THSD7A: variants seen among roughly 807,000 people sequenced by gnomAD.
THSD7A encodes the protein thrombospondin type 1 domain containing 7A.
In THSD7A, 96 loss-of-function variants were observed where a neutral mutation model predicts 231.3. The observed-to-expected ratio is 0.41, with a 90% CI of 0.35 to 0.49. The LOEUF (loss-of-function observed/expected upper bound fraction) is 0.49. THSD7A is among the 20% of genes least tolerant of loss of function. The pLI, the probability that THSD7A is intolerant of heterozygous loss-of-function variation, is 0.05. For missense variants in THSD7A, 2,290 were observed against 2,070.2 expected (o/e 1.11, Z -2.06); for synonymous variants, 940 against 743.3 (o/e 1.26, Z -4.30).
chr7:11,526,008 A>G (rs976262183), intron 6 of THSD7A, among the ~76,000 whole-genome samples: 1 of 152,214 alleles, frequency 6.6e-6, no homozygotes, highest in Non-Finnish European at 1.5e-5. Context: ...TTTAGTCTAA[A>G]GAAAGAGAGC....
At chr7:11,783,187 A>T (rs1159524761) in intron 1 of THSD7A, among the ~76,000 whole-genome samples, 1 of 152,148 alleles carries the variant, frequency 6.6e-6, no homozygotes, top group East Asian at 1.9e-4. Context: ...ATCTTAAGTT[A>T]CAAATATCAC....
At chr7:11,520,048 T>C (rs1418268172) in intron 6 of THSD7A, 1 of 152,172 alleles carries the variant, frequency 6.6e-6, no homozygotes, top group African/African-American at 2.4e-5. Context: ...TCTCAACTTA[T>C]TAGAACCCTT....
intron 1 of THSD7A, chr7:11,820,241 C>A (rs1784831868): frequency 2.6e-6 from 1 of 379,230 alleles, no homozygotes. Flanking sequence ...TCTTGAGGTT[C>A]CTCTGTTTAG....
At chr7:11,540,737 T>C (rs2128322383) in intron 6 of THSD7A, among the ~76,000 whole-genome samples, 1 of 152,296 alleles carries the variant, frequency 6.6e-6, no homozygotes, top group Non-Finnish European at 1.5e-5. Flanking sequence ...AAGGTAAAAA[T>C]CTTATATCAG....
intron 1 of THSD7A, among the ~76,000 whole-genome samples, chr7:11,693,628 G>T (rs770883941): frequency 5.9e-5 from 9 of 151,510 alleles, no homozygotes; most frequent in Non-Finnish European, 1.0e-4. Context: ...CTTCGTGTCA[G>T]ATAATTCTAG....
intron 1 of THSD7A, among the ~76,000 whole-genome samples, chr7:11,744,773 A>C (rs1354212293): frequency 6.6e-6 from 1 of 151,832 alleles, no homozygotes; most frequent in Non-Finnish European, 1.5e-5. Context: ...ACATGAACTC[A>C]TCCTTTTTTA....
At chr7:11,595,420 G>A (rs1780325319) in intron 2 of THSD7A, among the ~76,000 whole-genome samples, 2 of 152,012 alleles carry the variant, frequency 1.3e-5, no homozygotes, top group Admixed American at 1.3e-4. Flanking sequence ...CACTAAGTAG[G>A]GATTCTGCAT....
chr7:11,775,424 C>A (rs12534569), intron 1 of THSD7A, among the ~76,000 whole-genome samples: 72,809 of 151,936 alleles, frequency 0.48, 17,572 homozygotes, highest in Admixed American at 0.53. Context: ...CACAATAGTC[C>A]AAAAGTGGAA....
Position 11,771,794 on chromosome 7 carries a change from C to T in THSD7A, c.190+59963G>A, listed in dbSNP as rs866508760. ...GGGGCCTAGTGGGAGGTGATTGGAT[C>T]ATGGCGGTAGATCTTTCATGAATGG... is the stretch of plus-strand genomic sequence containing the variant. On this transcript the variant is annotated intron_variant, in intron 1 of 27. Transcript: ENST00000423059. 4.6e-5 allele frequency among the ~76,000 whole-genome samples: 7 copies of T among 152,304 alleles called. No individual in the cohort carries two copies. In the South Asian group the frequency reaches 1.0e-3, roughly 23 times the overall value.
At chr7:11,515,473 C>T (rs1222483823) in intron 6 of THSD7A, among the ~76,000 whole-genome samples, 2 of 152,048 alleles carry the variant, frequency 1.3e-5, no homozygotes, top group East Asian at 3.9e-4. Context: ...ATTTAATAAT[C>T]CATAGTGCCA....
chr7:11,378,954 A>C (rs565171799), intron 26 of THSD7A, 116 bp downstream of exon 26: 3 of 896,866 alleles, frequency 3.3e-6, no homozygotes, highest in South Asian at 3.4e-5. Flanking sequence ...GAATAAATGC[A>C]TGTAGATAAA....
At chr7:11,606,660 TA>T (rs34030240) in intron 2 of THSD7A, among the ~76,000 whole-genome samples, 27,839 of 152,072 alleles carry the variant, frequency 0.18, 3,280 homozygotes, top group Non-Finnish European at 0.27. Context: ...AATTTAATAA[TA>T]CTTTTTTATA....
chr7:11,541,683 T>C, intron 5 of THSD7A, 52 bp from the exon 6 acceptor site: 13 of 1,527,238 alleles, frequency 8.5e-6, no homozygotes, highest in Non-Finnish European at 1.2e-5. Flanking sequence ...GGTTTAGTAT[T>C]TCAGAAAGTT....
chr7:11,558,135 G>A (rs962008468), intron 4 of THSD7A, among the ~76,000 whole-genome samples: 1 of 152,022 alleles, frequency 6.6e-6, no homozygotes, highest in Non-Finnish European at 1.5e-5. Context: ...AGATGTGGGA[G>A]GCAAAAAGAA....
chr7:11,584,394 C>T (rs1791303903), intron 4 of THSD7A, among the ~76,000 whole-genome samples: 1 of 151,958 alleles, frequency 6.6e-6, no homozygotes, highest in African/African-American at 2.4e-5. Flanking sequence ...TTTTAACATG[C>T]ATAATGAGTT....
Position 11,658,964 on chromosome 7 carries a change from T to A in THSD7A, c.191-22003A>T, listed in dbSNP as rs557159584. 4.0e-4 allele frequency among the ~76,000 whole-genome samples: 61 copies of A among 151,854 alleles called. 1 individual carries two copies. The Middle Eastern group carries it at 0.017, about 42-fold the overall frequency. ...AAAGAAAGGAGGGAATTATCAACTG[T>A]GGGTATATTTCTTTGACTCAAACTG... On this transcript the variant is annotated intron_variant, in intron 1 of 27. Transcript: ENST00000423059.
At chr7:11,379,464 G>T in intron 25 of THSD7A, 166 bp downstream of exon 25, 1 of 863,280 alleles carries the variant, frequency 1.2e-6, no homozygotes, top group African/African-American at 1.7e-5. Context: ...TTCTAAAGGT[G>T]AAAGCAAGTG....
chr7:11,458,656 A>G (rs1343685925), intron 11 of THSD7A, among the ~76,000 whole-genome samples: 1 of 152,082 alleles, frequency 6.6e-6, no homozygotes, highest in Non-Finnish European at 1.5e-5. Flanking sequence ...AATCAGAAAG[A>G]TAGGAGAAAG....
rs554299978 is a variant in THSD7A at position 11,775,269 on chromosome 7, T to C, written c.190+56488A>G. 4.6e-5 allele frequency among the ~76,000 whole-genome samples: 7 copies of C among 152,242 alleles called. 1 individual carries two copies. In the South Asian group the frequency reaches 1.5e-3, roughly 32 times the overall value. Reference sequence around the variant, plus strand: ...GGTGGGAAGGTAAAATGGAGCAGCCTCTATGAACAACAGTATGGTGTTTCC... The same window carrying C: ...GGTGGGAAGGTAAAATGGAGCAGCCCCTATGAACAACAGTATGGTGTTTCC... On this transcript the variant is annotated intron_variant, in intron 1 of 27. Transcript: ENST00000423059.
Sources: allele counts gnomAD v4.1 joint callset (sites outside exome capture counted in the v4.1 genomes callset), GRCh38; gene constraint gnomAD v4.1.1; transcripts MANE v1.5; gene names NCBI Gene and HGNC (gene_info 2026-07-23, HGNC 2026-07-21).